The following ZNF507 variants were observed in gnomAD, a reference collection of about 807,000 sequenced individuals.
ZNF507 encodes the protein zinc finger protein 507.
A neutral mutation model predicts 80.0 loss-of-function variants in ZNF507; 29 were observed. That is an observed-to-expected ratio of 0.36 (90% CI 0.27 to 0.49). The LOEUF (loss-of-function observed/expected upper bound fraction) is 0.49, where lower values mean the gene tolerates loss of function less well. Ranked by LOEUF, ZNF507 falls within the 20% of genes least tolerant of loss-of-function variation. The pLI, the probability that ZNF507 is intolerant of heterozygous loss-of-function variation, is 0.98. For synonymous variants in ZNF507, 462 were observed against 422.5 expected, an observed-to-expected ratio of 1.09 and a Z score of -1.15; for missense variants, 1,081 against 1,152.2, an observed-to-expected ratio of 0.94 and a Z score of 0.90.
rs1392633256 is a variant in ZNF507, at chr19:32,352,811, T to A, written c.-2-18T>A. On this transcript the variant is annotated intron_variant, in intron 2 of 6. Coordinates refer to ENST00000355898, the MANE Select transcript of ZNF507 (RefSeq NM_001136156.2). ...TCCTGTAACCTGGTATTTTTCTGTTTTACATTATCCTTTTTAGATATGGAA... is the reference window on the plus strand; with the variant it reads ...TCCTGTAACCTGGTATTTTTCTGTTATACATTATCCTTTTTAGATATGGAA... The A allele has an allele frequency of 6.5e-7, 1 of 1,540,066 alleles. No individual in the cohort carries two copies. Among genetic ancestry groups the A allele is most frequent in the Non-Finnish European group, 8.7e-7 (1 of 1,149,212 alleles).
At chr19:32,377,712 T>C (rs939585933) in intron 5 of ZNF507, among the ~76,000 whole-genome samples, 5 of 152,290 alleles carry the variant, frequency 3.3e-5, no homozygotes, top group African/African-American at 7.2e-5. Context: ...AAGAATTCCA[T>C]GTAATTGACG....
In ZNF507 at chr19:32,384,427, T is replaced by C. The variant is rs1186838172; in HGVS notation, c.*1344T>C. 1 of 152,222 alleles carries C rather than the reference T, an allele frequency of 6.6e-6. No individual in the cohort carries two copies. Among genetic ancestry groups the C allele is most frequent in the Non-Finnish European group, 1.5e-5 (1 of 68,040 alleles). 9.4% of individuals were successfully genotyped at this position (152,222 alleles called of 1,614,324 possible). On this transcript the variant is annotated 3_prime_UTR_variant, in exon 7 of 7. Transcript: ENST00000355898. ...CTGATTACTCATTTATGCATTGTTT[T>C]GTTTAAGTAAATTCTGCCTACAAGT...
In ZNF507 at chr19:32,345,688, C is replaced by G. The variant is rs999061630; in HGVS notation, c.-192C>G. 6.5e-6 allele frequency: 1 copy of G among 152,682 alleles called. No homozygotes were observed. The highest frequency in any genetic ancestry group is 1.5e-5 in the Non-Finnish European group (1 of 68,432). The allele number at this position is 152,682 out of a possible 1,614,324, so 9.5% of individuals were successfully genotyped here. A position where few individuals can be genotyped will look rare whatever the true frequency, so the allele number is the denominator to read the frequency against. Reference sequence around the variant, plus strand: ...ACCGGGGGAAAAGAGGGAAAAGAGCCGGGAGAGAGGTGGGCAAGGACGAGG... The same window carrying G: ...ACCGGGGGAAAAGAGGGAAAAGAGCGGGGAGAGAGGTGGGCAAGGACGAGG... On this transcript the variant is annotated 5_prime_UTR_variant, in exon 1 of 7. Transcript: ENST00000355898.
In ZNF507 at chr19:32,354,171, T is replaced by C. The variant is rs745621748; in HGVS notation, c.1341T>C (p.Cys447=). The change falls in exon 3 of 7, where the codon TGT becomes TGC. Residue 447 remains cysteine (C), a synonymous_variant. Transcript: ENST00000355898. The part of the protein sequence containing the change: ...GMDDVYRADK[C]TVDIGGLIIG... ...ATGATGTTTATCGTGCTGATAAATG[T>C]ACTGTTGATATTGGGGGATTGATCA... 6.8e-6 allele frequency: 11 copies of C among 1,613,214 alleles called. No homozygotes were observed. The Admixed American group carries it at 1.8e-4, about 27-fold the overall frequency.
Position 32,353,783 on chromosome 19 carries a change from A to G in ZNF507, c.953A>G (p.Asn318Ser). ...AIGESELSIH[N>S]GPSVQVQICS... ...GGAGAGAGTGAACTGAGTATCCACA[A>G]TGGGCCATCAGTGCAAGTGCAGATT... The change falls in exon 3 of 7, where the codon AAT (asparagine) becomes AGT (serine). Residue 318 changes from asparagine (N) to serine (S), a missense_variant. Coordinates refer to ENST00000355898, the MANE Select transcript of ZNF507 (RefSeq NM_001136156.2). The G allele has an allele frequency of 6.2e-7, 1 of 1,614,218 alleles. No individual in the cohort carries two copies. Among genetic ancestry groups the G allele is most frequent in the Non-Finnish European group, 8.5e-7 (1 of 1,180,024 alleles).
At chr19:32,355,007 G>A (rs1199592769) in intron 3 of ZNF507, 50 bp downstream of exon 3, 2 of 1,493,934 alleles carry the variant, frequency 1.3e-6, no homozygotes, top group South Asian at 2.6e-5. Flanking sequence ...ATCTTAGAGT[G>A]AGAAGGGAAC....
In ZNF507 at chr19:32,384,292, C is replaced by G. The variant is rs1033603841; in HGVS notation, c.*1209C>G. ...ACATATGGAAAACCAACACAAAGTG[C>G]TTTAGCATTAAAACTCACCATCAAA... On this transcript the variant is annotated 3_prime_UTR_variant, in exon 7 of 7. Transcript: ENST00000355898. 1.3e-5 allele frequency: 2 copies of G among 152,166 alleles called. No homozygotes were observed. The highest frequency in any genetic ancestry group is 4.8e-5 in the African/African-American group (2 of 41,436). 9.4% of individuals were successfully genotyped at this position (152,166 alleles called of 1,614,324 possible). A position where few individuals can be genotyped will look rare whatever the true frequency, so the allele number is the denominator to read the frequency against.
intron 5 of ZNF507, among the ~76,000 whole-genome samples, chr19:32,381,649 T>C (rs11084636): frequency 0.22 from 33,130 of 151,914 alleles, 4,234 homozygotes; most frequent in East Asian, 0.45. Flanking sequence ...CCCCACAGAA[T>C]TGTACAACAC....
At chr19:32,382,669 C>G (rs1234820724) in intron 6 of ZNF507, 48 bp from the exon 7 acceptor site, 2 of 1,611,154 alleles carry the variant, frequency 1.2e-6, no homozygotes, top group Admixed American at 3.3e-5. Context: ...TCTACTAGTC[C>G]TACATTGTAG....
chr19:32,361,999 A>G (rs1407256463), intron 5 of ZNF507, among the ~76,000 whole-genome samples: 2 of 150,410 alleles, frequency 1.3e-5, no homozygotes, highest in Non-Finnish European at 3.0e-5. Context: ...CCTCACGGCA[A>G]CCTCCGCCTC....
At chr19:32,362,099 G>A (rs1273479570) in intron 5 of ZNF507, among the ~76,000 whole-genome samples, 1 of 152,008 alleles carries the variant, frequency 6.6e-6, no homozygotes, top group East Asian at 1.9e-4. Flanking sequence ...ACGGGGTTTC[G>A]CCAGGTCTTG....
Position 32,383,215 on chromosome 19 carries a change from A to C in ZNF507, c.*132A>C. 1 of 1,209,804 alleles carries C rather than the reference A, an allele frequency of 8.3e-7. No homozygotes were observed. Among genetic ancestry groups the C allele is most frequent in the South Asian group, 1.6e-5 (1 of 63,656 alleles). The allele number at this position is 1,209,804 out of a possible 1,614,324, so 74.9% of individuals were successfully genotyped here. A position where few individuals can be genotyped will look rare whatever the true frequency, so the allele number is the denominator to read the frequency against. ...GATTTTTGAGGAAATGACAGATGTGACTTTGGAACCAAACTTGTAATAAAA... is the reference window on the plus strand; with the variant it reads ...GATTTTTGAGGAAATGACAGATGTGCCTTTGGAACCAAACTTGTAATAAAA... On this transcript the variant is annotated 3_prime_UTR_variant, in exon 7 of 7. Coordinates refer to ENST00000355898, the MANE Select transcript of ZNF507 (RefSeq NM_001136156.2).
intron 5 of ZNF507, among the ~76,000 whole-genome samples, chr19:32,364,481 C>T (rs1490757587): frequency 6.6e-6 from 1 of 151,968 alleles, no homozygotes; most frequent in Non-Finnish European, 1.5e-5. Flanking sequence ...TTATCCCTCG[C>T]CCTCCTCCCA....
At position 32,361,901 on chromosome 19, in the gene ZNF507, CTCCT is replaced by C. The variant is rs569072237; in HGVS notation, c.2360+1305_2360+1308del. ...TTCCCTCCCCTCCCTCCCTCCCTCC[CTCCT>C]TCCTTCCTTCCTTCCTTCCTTTTTT... On this transcript the variant is annotated intron_variant, in intron 5 of 6. Coordinates refer to ENST00000355898, the MANE Select transcript of ZNF507 (RefSeq NM_001136156.2). Among the ~76,000 whole-genome samples the C allele has an allele frequency of 4.6e-4, 61 of 133,640 alleles. No individual in the cohort carries two copies. In the East Asian group the frequency reaches 6.4e-3, roughly 14 times the overall value. 87.7% of individuals were successfully genotyped at this position (133,640 alleles called of 152,430 possible).
intron 5 of ZNF507, chr19:32,380,629 G>C (rs1184666831): frequency 6.5e-7 from 1 of 1,535,054 alleles, no homozygotes; most frequent in South Asian, 1.2e-5. Flanking sequence ...AGGTAAGTAA[G>C]TTATCTGGTT....
chr19:32,382,351 C>T (rs1214676826), intron 5 of ZNF507, 116 bp from the exon 6 acceptor site: 7 of 1,271,576 alleles, frequency 5.5e-6, no homozygotes, highest in Middle Eastern at 1.9e-4. Context: ...CAGTGAAATA[C>T]GATATGTCTA....
chr19:32,348,922 C>A (rs1881752966), intron 2 of ZNF507, among the ~76,000 whole-genome samples: 2 of 152,114 alleles, frequency 1.3e-5, no homozygotes, highest in Admixed American at 6.6e-5. Flanking sequence ...CTTGTATCAG[C>A]AGTATTCCAA....
intron 5 of ZNF507, among the ~76,000 whole-genome samples, chr19:32,366,873 A>G (rs1014724901): frequency 6.6e-6 from 1 of 152,206 alleles, no homozygotes; most frequent in East Asian, 1.9e-4. Flanking sequence ...TTGTTTTGGT[A>G]GATGTATAGC....
Position 32,353,853 on chromosome 19 carries a change from T to C in ZNF507, c.1023T>C (p.Ser341=). Residue 341 remains serine (S), a synonymous_variant, in exon 3 of 7, where the codon AGT becomes AGC. Transcript: ENST00000355898. ...QLSSSSPLEQ[S]AERGVHLSQS... is the part of the protein sequence containing the mutation. The stretch of plus-strand genomic sequence containing the variant: ...CATCTTCATCTCCTTTAGAACAGAG[T>C]GCAGAAAGAGGAGTACACCTAAGTC... 1 of 1,614,094 alleles carries C rather than the reference T, an allele frequency of 6.2e-7. No individual in the cohort carries two copies. Among genetic ancestry groups the C allele is most frequent in the Non-Finnish European group, 8.5e-7 (1 of 1,180,012 alleles).
Sources: gnomAD v4.1 joint callset for allele counts (sites outside exome capture counted in the v4.1 genomes callset) on GRCh38, gnomAD v4.1.1 for gene constraint, MANE v1.5 for transcripts, NCBI Gene and HGNC (gene_info 2026-07-23, HGNC 2026-07-21) for gene names.